KIRREL3: variants seen among roughly 807,000 people sequenced by gnomAD.
KIRREL3 encodes kirre like nephrin family adhesion molecule 3.
KIRREL3 carries 36 observed loss-of-function variants against 89.7 expected under a neutral mutation model. The ratio of observed to expected loss-of-function variants is 0.40; its 90% CI spans 0.31 to 0.53. The LOEUF (loss-of-function observed/expected upper bound fraction) is 0.53, where lower values mean the gene tolerates loss of function less well. Ranked by LOEUF, KIRREL3 falls within the 20% of genes least tolerant of loss-of-function variation. The probability of loss-of-function intolerance (pLI) is 0.49; values close to 1 mark genes in which losing one functional copy is unlikely to be tolerated. For synonymous variants in KIRREL3, 445 were observed against 441.4 expected (o/e 1.01, Z -0.10); for missense variants, 864 against 1,056.6 (o/e 0.82, Z 2.53).
intron 1 of KIRREL3, among the ~76,000 whole-genome samples, chr11:126,919,368 C>T (rs1947177377): frequency 6.6e-6 from 1 of 152,206 alleles, no homozygotes; most frequent in African/African-American, 2.4e-5. Context: ...TAATTAAAAT[C>T]ACTTCTGTTA....
chr11:126,478,573 G>A (rs1316026006), intron 4 of KIRREL3, among the ~76,000 whole-genome samples: 4 of 151,920 alleles, frequency 2.6e-5, no homozygotes, highest in South Asian at 2.1e-4. Flanking sequence ...GTGTATATAT[G>A]TGTGTACACG....
chr11:126,644,093 T>C (rs1205805839), intron 1 of KIRREL3, among the ~76,000 whole-genome samples: 1 of 152,150 alleles, frequency 6.6e-6, no homozygotes, highest in East Asian at 1.9e-4. Flanking sequence ...ATAGGGTTAA[T>C]GGCTGAAAGT....
chr11:126,849,375 T>C (rs1180413604), intron 1 of KIRREL3, among the ~76,000 whole-genome samples: 2 of 152,238 alleles, frequency 1.3e-5, no homozygotes, highest in Non-Finnish European at 2.9e-5. Flanking sequence ...CCCTTGGGGC[T>C]GCTCTACCTG....
At chr11:126,451,052 CAT>C (rs1956089131) in intron 7 of KIRREL3, among the ~76,000 whole-genome samples, 1 of 130,226 alleles carries the variant, frequency 7.7e-6, no homozygotes, top group African/African-American at 3.0e-5. Context: ...TGAGCATGTG[CAT>C]GTGTGCATGC....
rs1171327671 is a variant in KIRREL3 at position 126,558,818 on chromosome 11, G to A, written c.133+4017C>T. Among the ~76,000 whole-genome samples the A allele has an allele frequency of 7.9e-5, 12 of 152,194 alleles. No individual in the cohort carries two copies. Among genetic ancestry groups the A allele is most frequent in the South Asian group, 4.1e-4 (2 of 4,830 alleles). ...GGAAGGGGAGGTGAAGGTTGTGTGC[G>A]TGTGTGCACACATGTGGGTGTATGT... On this transcript the variant is annotated intron_variant, in intron 2 of 16. Coordinates refer to ENST00000525144, the MANE Select transcript of KIRREL3 (RefSeq NM_032531.4). This position sits in a 1 kb window ranked among gnomAD's most constrained non-coding sequence, Gnocchi z 4.0.
rs1402927461 is a variant in KIRREL3, at chr11:126,795,172, C to T, written c.55+205283G>A. ...TCATGTAATGGTGGATACATGTCAT[C>T]ACACATTTGGCCAAGCCCATAGAGT... On this transcript the variant is annotated intron_variant, in intron 1 of 16. Coordinates refer to ENST00000525144, the MANE Select transcript of KIRREL3 (RefSeq NM_032531.4). The surrounding 1 kb of genome is among the most constrained non-coding windows in gnomAD (Gnocchi z 4.1). Among the ~76,000 whole-genome samples the T allele has an allele frequency of 6.6e-6, 1 of 152,160 alleles. No individual in the cohort carries two copies. The highest frequency in any genetic ancestry group is 1.5e-5 in the Non-Finnish European group (1 of 68,036).
rs1240457613 is a variant in KIRREL3 at position 126,705,374 on chromosome 11, A to T, written c.56-142462T>A. Among the ~76,000 whole-genome samples the T allele has an allele frequency of 6.6e-6, 1 of 152,094 alleles. No homozygotes were observed. Among genetic ancestry groups the T allele is most frequent in the Non-Finnish European group, 1.5e-5 (1 of 68,018 alleles). On this transcript the variant is annotated intron_variant, in intron 1 of 16. Coordinates refer to ENST00000525144, the MANE Select transcript of KIRREL3 (RefSeq NM_032531.4). The surrounding 1 kb of genome is among the most constrained non-coding windows in gnomAD (Gnocchi z 4.3). ...GGCACTAACCTCTTGGTGATAAGTG[A>T]GTTGTTGATCAGTTTGTTCACATGA...
Position 126,604,533 on chromosome 11 carries a change from C to T in KIRREL3, c.56-41621G>A, listed in dbSNP as rs483027. Reference sequence around the variant, plus strand: ...CAGGGAAACTGAGGACCAGGCCGTTCGCAGTTAGTGTTAGTACAGTCCTTC... The same window carrying T: ...CAGGGAAACTGAGGACCAGGCCGTTTGCAGTTAGTGTTAGTACAGTCCTTC... On this transcript the variant is annotated intron_variant, in intron 1 of 16. Coordinates refer to ENST00000525144, the MANE Select transcript of KIRREL3 (RefSeq NM_032531.4). 3.9e-5 allele frequency among the ~76,000 whole-genome samples: 6 copies of T among 152,178 alleles called. No homozygotes were observed. In the South Asian group the frequency reaches 8.3e-4, roughly 21 times the overall value.
At position 126,923,134 on chromosome 11, in the gene KIRREL3, CT is replaced by C. The variant is rs1163377593; in HGVS notation, c.55+77320del. Among the ~76,000 whole-genome samples the C allele has an allele frequency of 4.2e-3, 30 of 7,090 alleles. 4 individuals are homozygous for C. The highest frequency in any genetic ancestry group is 0.018 in the South Asian group (3 of 170). 4.7% of individuals were successfully genotyped at this position (7,090 alleles called of 152,430 possible). ...TCCTTCTCCTTCTCCTTCTTCTCTT[CT>C]TCTTCTTCTTCTTCTTCTTCTTCTT... On this transcript the variant is annotated intron_variant, in intron 1 of 16. Coordinates refer to ENST00000525144, the MANE Select transcript of KIRREL3 (RefSeq NM_032531.4).
chr11:126,448,279 C>CAAAAAAAA (rs55787866), intron 8 of KIRREL3, among the ~76,000 whole-genome samples: 6 of 95,378 alleles, frequency 6.3e-5, no homozygotes, highest in Non-Finnish European at 8.3e-5. Flanking sequence ...GAGACTGTCT[C>CAAAAAAAA]AAAAAAAAAA....
intron 1 of KIRREL3, among the ~76,000 whole-genome samples, chr11:126,839,025 G>T (rs551751164): frequency 3.3e-5 from 5 of 152,184 alleles, no homozygotes; most frequent in Non-Finnish European, 5.9e-5. Flanking sequence ...TCCAAGGGAG[G>T]ACTTGGCTTT....
At chr11:126,467,292 C>G (rs1956757399) in intron 5 of KIRREL3, among the ~76,000 whole-genome samples, 1 of 152,210 alleles carries the variant, frequency 6.6e-6, no homozygotes. Context: ...ACTCACTTCT[C>G]TAGTTCCCCA....
chr11:126,512,372 G>A (rs1199131439), intron 4 of KIRREL3, among the ~76,000 whole-genome samples: 1 of 152,220 alleles, frequency 6.6e-6, no homozygotes, highest in Non-Finnish European at 1.5e-5. Flanking sequence ...CTTATGATTG[G>A]CACATAAATG....
At chr11:126,853,420 G>A (rs1944405612) in intron 1 of KIRREL3, among the ~76,000 whole-genome samples, 1 of 152,144 alleles carries the variant, frequency 6.6e-6, no homozygotes. Flanking sequence ...AGTACATTCT[G>A]CTTTTATCTA....
intron 1 of KIRREL3, among the ~76,000 whole-genome samples, chr11:126,916,079 C>T (rs961856013): frequency 6.6e-6 from 1 of 152,204 alleles, no homozygotes; most frequent in African/African-American, 2.4e-5. Context: ...CAGCCTTTCA[C>T]AGTGCTTCCA....
rs1049254259 is a variant in KIRREL3, at chr11:126,696,584, G to A, written c.56-133672C>T. ...TCCTCACCTCTGCCATCCTCCACGT[G>A]ATCCCCAAACGTTGCTGATCAACAC... is the stretch of plus-strand genomic sequence containing the variant. On this transcript the variant is annotated intron_variant, in intron 1 of 16. Coordinates refer to ENST00000525144, the MANE Select transcript of KIRREL3 (RefSeq NM_032531.4). This position sits in a 1 kb window ranked among gnomAD's most constrained non-coding sequence, Gnocchi z 4.4. Among the ~76,000 whole-genome samples the A allele has an allele frequency of 3.5e-4, 53 of 152,134 alleles. No individual in the cohort carries two copies. The highest frequency in any genetic ancestry group is 6.5e-4 in the Non-Finnish European group (44 of 68,028).
rs571638681 is a variant in KIRREL3 at position 126,953,485 on chromosome 11, A to T, written c.55+46970T>A. Among the ~76,000 whole-genome samples, 2 of 152,266 alleles carry T rather than the reference A, an allele frequency of 1.3e-5. No individual in the cohort carries two copies. The highest frequency in any genetic ancestry group is 2.1e-4 in the South Asian group (1 of 4,814). ...TCCCAGAACTTAAAGTATATATATA[A>T]AAAAGAATAACTAGAGTTTTGTTCA... is the stretch of plus-strand genomic sequence containing the variant. On this transcript the variant is annotated intron_variant, in intron 1 of 16. Transcript: ENST00000525144. This position sits in a 1 kb window ranked among gnomAD's most constrained non-coding sequence, Gnocchi z 5.2.
rs1289692352 is a variant in KIRREL3, at chr11:126,993,480, T to C, written c.55+6975A>G. Among the ~76,000 whole-genome samples the C allele has an allele frequency of 6.6e-6, 1 of 152,262 alleles. No homozygotes were observed. Among genetic ancestry groups the C allele is most frequent in the Non-Finnish European group, 1.5e-5 (1 of 68,054 alleles). On this transcript the variant is annotated intron_variant, in intron 1 of 16. Coordinates refer to ENST00000525144, the MANE Select transcript of KIRREL3 (RefSeq NM_032531.4). This position sits in a 1 kb window ranked among gnomAD's most constrained non-coding sequence, Gnocchi z 6.1. ...GCATCCTATAATATCAAGCATGATG[T>C]CATCTCCTCTGTGCAACCTTTTCTG...
intron 4 of KIRREL3, among the ~76,000 whole-genome samples, chr11:126,510,015 AAAAGAAAAAAGAAAAAAAGAAAAAAAAG>A: frequency 6.8e-6 from 1 of 147,340 alleles, no homozygotes; most frequent in Admixed American, 6.8e-5. Context: ...AAAAAAAAAA[AAAAGAAAAAAGAAAAAAAGAAAAAAAAG>A]AAAACACACA....
Sources: allele counts gnomAD v4.1 joint callset (sites outside exome capture counted in the v4.1 genomes callset), GRCh38; gene constraint gnomAD v4.1.1; non-coding constraint Gnocchi (gnomAD v3.1); transcripts MANE v1.5; gene names NCBI Gene and HGNC (gene_info 2026-07-23, HGNC 2026-07-21).